Variants in NAALADL2 observed in about 807,000 individuals in gnomAD.
The protein encoded by NAALADL2 is inactive N-acetylated-alpha-linked acidic dipeptidase-like protein 2.
Under a neutral mutation model 87.2 loss-of-function variants are expected in NAALADL2, and 76 were observed. The observed-to-expected ratio is 0.87, with a 90% CI of 0.72 to 1.05. NAALADL2 has a LOEUF of 1.05. NAALADL2 is among the 50% of genes least tolerant of loss of function. The pLI is 0.00. For missense variants in NAALADL2, 1,089 were observed against 945.8 expected (o/e 1.15, Z -1.99); for synonymous variants, 354 against 331.0 (o/e 1.07, Z -0.75).
At chr3:174,959,121 G>A (rs1741594798) in intron 1 of NAALADL2, among the ~76,000 whole-genome samples, 1 of 151,934 alleles carries the variant, frequency 6.6e-6, no homozygotes, top group South Asian at 2.1e-4. Flanking sequence ...ATTGTTTTAT[G>A]GTAGTGTACT....
At chr3:175,477,980 G>A (rs950860406) in intron 9 of NAALADL2, among the ~76,000 whole-genome samples, 3 of 151,898 alleles carry the variant, frequency 2.0e-5, no homozygotes, top group East Asian at 3.9e-4. Flanking sequence ...TTCTCACTCC[G>A]CTCTTGATGA....
Position 174,651,215 on chromosome 3 carries a change from A to G in NAALADL2, c.-114-86426A>G, listed in dbSNP as rs549801971. ...CCTCAAAATTTTCTGTTGCATTGTT[A>G]TCAGTGCTCGTAATTAAGTTCCTTG... On this transcript the variant is annotated intron_variant, in intron 2 of 3. Coordinates refer to the NAALADL2 transcript ENST00000434257. Among the ~76,000 whole-genome samples, 6 of 152,294 alleles carry G rather than the reference A, an allele frequency of 3.9e-5. No individual in the cohort carries two copies. The South Asian group carries it at 1.0e-3, about 26-fold the overall frequency.
intron 9 of NAALADL2, among the ~76,000 whole-genome samples, chr3:175,558,975 T>C (rs1233304352): frequency 6.6e-6 from 1 of 152,140 alleles, no homozygotes; most frequent in East Asian, 1.9e-4. Flanking sequence ...GTTATTGGTA[T>C]TTTGGTAGGG....
chr3:175,698,483 T>TTACATATATATATATATA lies in NAALADL2; in HGVS notation c.1897-38821_1897-38820insCATATATATATATATATA, dbSNP rs1553953641. Among the ~76,000 whole-genome samples the TTACATATATATATATATA allele has an allele frequency of 5.9e-5, 4 of 67,774 alleles. 1 individual carries two copies. Among genetic ancestry groups the TTACATATATATATATATA allele is most frequent in the African/African-American group, 3.6e-4 (4 of 11,054 alleles). 44.5% of individuals were successfully genotyped at this position (67,774 alleles called of 152,430 possible). On this transcript the variant is annotated intron_variant, in intron 11 of 13. Transcript: ENST00000454872. ...TGTGTATATATGTGTGTATATATAT[T>TTACATATATATATATATA]TATATATATATATATATATAAAATC...
At chr3:174,822,879 T>A (rs996328051) in intron 3 of NAALADL2, among the ~76,000 whole-genome samples, 1 of 152,154 alleles carries the variant, frequency 6.6e-6, no homozygotes, top group Admixed American at 6.5e-5. Flanking sequence ...AATTTTTGTT[T>A]CTCCTTGTCA....
intron 2 of NAALADL2, among the ~76,000 whole-genome samples, chr3:174,719,895 G>A (rs1405590871): frequency 3.9e-5 from 6 of 152,106 alleles, no homozygotes; most frequent in Non-Finnish European, 5.9e-5. Context: ...TCCGCCTCCC[G>A]GGTTCAAGCG....
At chr3:175,388,378 A>G (rs538719975) in intron 5 of NAALADL2, among the ~76,000 whole-genome samples, 12 of 152,146 alleles carry the variant, frequency 7.9e-5, no homozygotes, top group Non-Finnish European at 1.5e-4. Context: ...TGTGAAACTT[A>G]GTGTAGACAT....
intron 11 of NAALADL2, among the ~76,000 whole-genome samples, chr3:175,696,150 CA>C (rs936772150): frequency 3.0e-4 from 45 of 151,756 alleles, no homozygotes; most frequent in South Asian, 8.3e-4. Context: ...CTTGTGTTCA[CA>C]AAAAAAATTT....
At chr3:174,699,035 C>T (rs1729298712) in intron 2 of NAALADL2, among the ~76,000 whole-genome samples, 1 of 151,718 alleles carries the variant, frequency 6.6e-6, no homozygotes, top group Non-Finnish European at 1.5e-5. Flanking sequence ...TAAATACTGC[C>T]TTTTCTTAAA....
intron 1 of NAALADL2, among the ~76,000 whole-genome samples, chr3:174,960,790 A>G (rs903903160): frequency 6.6e-6 from 1 of 151,976 alleles, no homozygotes; most frequent in Non-Finnish European, 1.5e-5. Context: ...TAATCTAGAT[A>G]GAAGGACTTG....
chr3:175,705,735 C>T (rs1015142975), intron 11 of NAALADL2, among the ~76,000 whole-genome samples: 2 of 152,042 alleles, frequency 1.3e-5, no homozygotes, highest in African/African-American at 4.8e-5. Flanking sequence ...AAAAACTTGC[C>T]CAACTGCCTT....
intron 11 of NAALADL2, among the ~76,000 whole-genome samples, chr3:175,643,170 C>G (rs1560903100): frequency 6.6e-6 from 1 of 152,102 alleles, no homozygotes; most frequent in African/African-American, 2.4e-5. Context: ...ACTGATCTCC[C>G]TACTCATTCT....
intron 1 of NAALADL2, among the ~76,000 whole-genome samples, chr3:175,072,872 A>G (rs73035496): frequency 0.028 from 4,228 of 152,154 alleles, 178 homozygotes; most frequent in African/African-American, 0.097. Context: ...TGGAAAAGTT[A>G]ATAAATATTT....
intron 9 of NAALADL2, among the ~76,000 whole-genome samples, chr3:175,493,840 A>G (rs1240435895): frequency 6.6e-6 from 1 of 152,162 alleles, no homozygotes; most frequent in African/African-American, 2.4e-5. Context: ...TAATAGACAT[A>G]CACATACACA....
chr3:174,499,853 A>G (rs1233238762), intron 1 of NAALADL2, among the ~76,000 whole-genome samples: 1 of 152,154 alleles, frequency 6.6e-6, no homozygotes. Context: ...TTAATCAGGT[A>G]GAGTTAGCCC....
At chr3:175,439,735 T>C (rs1719403999) in intron 5 of NAALADL2, among the ~76,000 whole-genome samples, 1 of 147,434 alleles carries the variant, frequency 6.8e-6, no homozygotes, top group South Asian at 2.1e-4. Flanking sequence ...TTTTTTCTTT[T>C]TTTTCTTTTT....
At chr3:175,438,310 G>C (rs889963784) in intron 5 of NAALADL2, among the ~76,000 whole-genome samples, 2 of 152,104 alleles carry the variant, frequency 1.3e-5, no homozygotes, top group South Asian at 2.1e-4. Flanking sequence ...AGGATCAGCT[G>C]TATTCACAAG....
At chr3:175,097,589 T>A (rs940875511) in intron 2 of NAALADL2, among the ~76,000 whole-genome samples, 1 of 152,076 alleles carries the variant, frequency 6.6e-6, no homozygotes, top group Non-Finnish European at 1.5e-5. Context: ...TTAGGCCAAA[T>A]TGGGATGCAA....
At chr3:175,690,631 C>A (rs1444018056) in intron 11 of NAALADL2, among the ~76,000 whole-genome samples, 1 of 151,944 alleles carries the variant, frequency 6.6e-6, no homozygotes, top group Admixed American at 6.6e-5. Flanking sequence ...AGGGTAGGAG[C>A]ATTGAGGGCA....
Sources: allele counts gnomAD v4.1 joint callset (sites outside exome capture counted in the v4.1 genomes callset), GRCh38; gene constraint gnomAD v4.1.1; transcripts MANE v1.5; gene names NCBI Gene and HGNC (gene_info 2026-07-23, HGNC 2026-07-21).